Variants in HMCN2 observed in about 807,000 individuals in gnomAD.
HMCN2 encodes the protein hemicentin-2.
A neutral mutation model predicts 377.5 loss-of-function variants in HMCN2; 325 were observed. That is an observed-to-expected ratio of 0.86 (90% CI 0.79 to 0.94). The LOEUF (loss-of-function observed/expected upper bound fraction) is 0.94. HMCN2 is among the 40% of genes least tolerant of loss of function. HMCN2 has a pLI of 0.00. For synonymous variants in HMCN2, 2,007 were observed against 2,046.8 expected (o/e 0.98, Z 0.53); for missense variants, 4,543 against 4,725.3 (o/e 0.96, Z 1.13).
intron 1 of HMCN2, among the ~76,000 whole-genome samples, chr9:130,269,108 C>T (rs782051830): frequency 6.1e-5 from 9 of 148,164 alleles, no homozygotes; most frequent in African/African-American, 1.7e-4. Flanking sequence ...CCCCAAGAGG[C>T]GGGTGCGGGG....
Position 130,430,482 on chromosome 9 carries a change from C to T in HMCN2, c.14525C>T (p.Ala4842Val), listed in dbSNP as rs1279815842. 3 of 1,550,490 alleles carry T rather than the reference C, an allele frequency of 1.9e-6. No individual in the cohort carries two copies. In the East Asian group the frequency reaches 7.3e-5, roughly 38 times the overall value. The change falls in exon 95 of 98, where the codon GCC (alanine) becomes GTC (valine). Residue 4842 changes from alanine to valine, a missense_variant. Around this residue, in one of 5 missense-constraint regions of HMCN2, gnomAD observed 1,155 missense variants for 1,157.7 expected, o/e 1.00. Transcript: ENST00000683500. ...GPLLPWLRPW[A>V]SIPGTSYHAW... Reference sequence around the variant, plus strand: ...CTATTGCCCTGGCTGCGGCCCTGGGCCTCGATCCCCGGTACCTCCTACCAC... The same window carrying T: ...CTATTGCCCTGGCTGCGGCCCTGGGTCTCGATCCCCGGTACCTCCTACCAC...
At chr9:130,387,996 A>G (rs768620041) in intron 61 of HMCN2, among the ~76,000 whole-genome samples, 1 of 152,228 alleles carries the variant, frequency 6.6e-6, no homozygotes, top group Non-Finnish European at 1.5e-5. Context: ...TGATGGCTAC[A>G]TTGATGAACA....
At chr9:130,312,997 A>T (rs943411097) in intron 15 of HMCN2, among the ~76,000 whole-genome samples, 1 of 152,064 alleles carries the variant, frequency 6.6e-6, no homozygotes. Flanking sequence ...CTGAGTGTCC[A>T]CCTAGACCTG....
rs1290654342 is a variant in HMCN2 at position 130,323,470 on chromosome 9, AG to A, written c.2920+1540del. ...CAAACACTGCTCATCTATCCATTCC[AG>A]AAGGGACGACCAGGGAACTGGGGTT... On this transcript the variant is annotated intron_variant, in intron 19 of 97. Coordinates refer to ENST00000683500, the MANE Select transcript of HMCN2 (RefSeq NM_001291815.2). Among the ~76,000 whole-genome samples, 18 of 152,338 alleles carry A rather than the reference AG, an allele frequency of 1.2e-4. No individual in the cohort carries two copies. In the East Asian group the frequency reaches 2.9e-3, roughly 24 times the overall value.
chr9:130,353,143 A>T lies in HMCN2; in HGVS notation c.4802A>T (p.Tyr1601Phe), dbSNP rs1839823938. Residue 1601 changes from tyrosine to phenylalanine, a missense_variant, in exon 31 of 98, where the codon TAC becomes TTC. Physicochemically the swap from Tyr to Phe is conservative, Grantham distance 22. This residue lies in a region of HMCN2 where 1,032 missense variants were observed against 1,285.1 expected (regional missense o/e 0.80). Coordinates refer to ENST00000683500, the MANE Select transcript of HMCN2 (RefSeq NM_001291815.2). ...GRAQSSDAGV[Y>F]TCKASNAVGA... ...GCCCAGAGCTCCGATGCCGGCGTCT[A>T]CACCTGCAAGGCCAGCAATGCTGTG... 1 of 1,304,050 alleles carries T rather than the reference A, an allele frequency of 7.7e-7. No individual in the cohort carries two copies. Among genetic ancestry groups the T allele is most frequent in the Admixed American group, 2.3e-5 (1 of 43,538 alleles). The allele number at this position is 1,304,050 out of a possible 1,614,324, so 80.8% of individuals were successfully genotyped here.
chr9:130,388,672 GC>G (rs35750041), intron 62 of HMCN2, 132 bp downstream of exon 62: 202,816 of 248,428 alleles, frequency 0.82, 84,828 homozygotes, highest in East Asian at 0.91. Context: ...GTGCCGTGTT[GC>G]CCCCCCCCCC....
intron 84 of HMCN2, among the ~76,000 whole-genome samples, chr9:130,410,141 T>C (rs888997424): frequency 1.3e-5 from 2 of 152,252 alleles, no homozygotes; most frequent in African/African-American, 4.8e-5. Context: ...TGTTTTCCTA[T>C]AGTTATTGAT....
chr9:130,375,848 G>C (rs1313598061), intron 50 of HMCN2, 28 bp from the exon 51 acceptor site: 8 of 984,474 alleles, frequency 8.1e-6, no homozygotes, highest in Non-Finnish European at 9.7e-6. Context: ...CAGATTTGGG[G>C]TGACCCTGGC....
intron 83 of HMCN2, 114 bp downstream of exon 83, chr9:130,407,819 C>A: frequency 2.6e-6 from 2 of 765,622 alleles, no homozygotes; most frequent in Non-Finnish European, 3.4e-6. Flanking sequence ...GGTTCCCCAC[C>A]CTGGCTGCAT....
intron 96 of HMCN2, among the ~76,000 whole-genome samples, chr9:130,432,225 G>T (rs1170031251): frequency 6.6e-6 from 1 of 152,190 alleles, no homozygotes; most frequent in African/African-American, 2.4e-5. Context: ...TACACGCCCT[G>T]GAAAGCCCTG....
rs1314137543 is a variant in HMCN2, at chr9:130,395,992, C to T, written c.10980C>T (p.Asp3660=). 7.8e-7 allele frequency: 1 copy of T among 1,287,602 alleles called. No homozygotes were observed. 79.8% of individuals were successfully genotyped at this position (1,287,602 alleles called of 1,614,324 possible). A position where few individuals can be genotyped will look rare whatever the true frequency, so the allele number is the denominator to read the frequency against. ...FLQLQALSTA[D]SGDYSCTARN... ...AGCTGCAGGCCCTGAGCACGGCTGA[C>T]AGCGGCGACTACAGCTGCACAGCCC... is the stretch of plus-strand genomic sequence containing the variant. Residue 3660 remains aspartate, a synonymous_variant, in exon 72 of 98, where the codon GAC becomes GAT. Transcript: ENST00000683500.
intron 54 of HMCN2, among the ~76,000 whole-genome samples, chr9:130,381,026 C>T (rs1564836313): frequency 6.6e-6 from 1 of 152,086 alleles, no homozygotes; most frequent in East Asian, 1.9e-4. Context: ...CCACCAACTG[C>T]CCCCCAGTCC....
At chr9:130,372,499 T>C (rs1403702131) in intron 47 of HMCN2, 92 bp downstream of exon 47, 3 of 295,164 alleles carry the variant, frequency 1.0e-5, no homozygotes, top group Non-Finnish European at 1.5e-5. Flanking sequence ...TCATGGCTCA[T>C]GCTGTAGCAG....
chr9:130,328,343 A>C (rs1244501428), intron 22 of HMCN2, among the ~76,000 whole-genome samples: 2 of 151,966 alleles, frequency 1.3e-5, no homozygotes, highest in Admixed American at 1.3e-4. Flanking sequence ...GTGGGAGCCC[A>C]CAGCTCCCCT....
At chr9:130,392,765 G>A (rs962369783) in intron 66 of HMCN2, among the ~76,000 whole-genome samples, 1 of 152,130 alleles carries the variant, frequency 6.6e-6, no homozygotes, top group Non-Finnish European at 1.5e-5. Context: ...GGGAGGCCAA[G>A]GCGGGCAGAT....
intron 23 of HMCN2, among the ~76,000 whole-genome samples, chr9:130,339,342 C>T (rs1185566020): frequency 6.6e-6 from 1 of 152,220 alleles, no homozygotes; most frequent in African/African-American, 2.4e-5. Context: ...GCCCAGCATC[C>T]TGACCACCTG....
At chr9:130,359,454 A>C (rs1194121543) in intron 37 of HMCN2, 40 bp downstream of exon 37, 1 of 1,124,634 alleles carries the variant, frequency 8.9e-7, no homozygotes, top group African/African-American at 1.6e-5. Flanking sequence ...CTTCCAGCCC[A>C]ATTTACTGTC....
chr9:130,327,038 C>T (rs972447343), intron 21 of HMCN2, among the ~76,000 whole-genome samples: 2 of 147,308 alleles, frequency 1.4e-5, no homozygotes, highest in African/African-American at 2.5e-5. Flanking sequence ...AGGCACAGAC[C>T]GTAGGGCAGG....
intron 85 of HMCN2, among the ~76,000 whole-genome samples, chr9:130,417,225 A>G (rs991825379): frequency 2.0e-5 from 3 of 152,068 alleles, no homozygotes; most frequent in African/African-American, 7.2e-5. Flanking sequence ...AAGTATTGTT[A>G]TAAAAGAGAG....
Sources: allele counts gnomAD v4.1 joint callset (sites outside exome capture counted in the v4.1 genomes callset), GRCh38; gene constraint gnomAD v4.1.1; regional missense constraint gnomAD v4.1.1; transcripts MANE v1.5; gene names NCBI Gene and HGNC (gene_info 2026-07-23, HGNC 2026-07-21).